Variants in CDH18 observed in about 807,000 individuals in gnomAD.
CDH18 encodes the protein cadherin 18, also known as cadherin-18.
In CDH18, 31 loss-of-function variants were observed where a neutral mutation model predicts 67.9. That is an observed-to-expected ratio of 0.46 (90% CI 0.34 to 0.62). The LOEUF (loss-of-function observed/expected upper bound fraction) is 0.62. Ranked by LOEUF, CDH18 falls within the 20% of genes least tolerant of loss-of-function variation. The probability of loss-of-function intolerance (pLI) is 0.01; values close to 1 mark genes in which losing one functional copy is unlikely to be tolerated. For missense variants in CDH18, 890 were observed against 975.5 expected, an observed-to-expected ratio of 0.91 and a Z score of 1.17; for synonymous variants, 362 against 347.2, an observed-to-expected ratio of 1.04 and a Z score of -0.48.
intron 5 of CDH18, among the ~76,000 whole-genome samples, chr5:19,617,772 C>T (rs1750063155): frequency 6.6e-6 from 1 of 152,166 alleles, no homozygotes. Context: ...CAAATTACCT[C>T]TGACTACTGT....
At chr5:20,480,960 C>A (rs972883172) in intron 1 of CDH18, among the ~76,000 whole-genome samples, 25 of 151,670 alleles carry the variant, frequency 1.6e-4, no homozygotes, top group African/African-American at 5.3e-4. Flanking sequence ...AAAATGGAAA[C>A]AAATAACAAA....
chr5:19,948,118 T>C (rs534694354), intron 2 of CDH18, among the ~76,000 whole-genome samples: 3 of 152,282 alleles, frequency 2.0e-5, no homozygotes, highest in South Asian at 2.1e-4. Context: ...TGTAAAAATA[T>C]GTTGATGAAG....
chr5:19,959,798 C>G (rs1796611753), intron 2 of CDH18, among the ~76,000 whole-genome samples: 1 of 152,054 alleles, frequency 6.6e-6, no homozygotes, highest in Admixed American at 6.6e-5. Flanking sequence ...TGTGCTTACA[C>G]AAACCTAGAG....
intron 2 of CDH18, among the ~76,000 whole-genome samples, chr5:19,922,114 T>C (rs1047358460): frequency 6.6e-6 from 1 of 152,188 alleles, no homozygotes; most frequent in African/African-American, 2.4e-5. Context: ...TGAATGATTT[T>C]TCTCAGTCAG....
At chr5:20,365,318 C>G (rs1207008423) in intron 1 of CDH18, among the ~76,000 whole-genome samples, 1 of 152,074 alleles carries the variant, frequency 6.6e-6, no homozygotes, top group Admixed American at 6.6e-5. Context: ...ATTCTAATTG[C>G]CTCCCAAAGG....
chr5:20,372,031 C>T (rs1257762839), intron 1 of CDH18, among the ~76,000 whole-genome samples: 2 of 152,176 alleles, frequency 1.3e-5, no homozygotes, highest in African/African-American at 4.8e-5. Flanking sequence ...ATATTGATAA[C>T]TTCCTTGCAT....
At chr5:20,165,365 G>T (rs1323480291) in intron 2 of CDH18, among the ~76,000 whole-genome samples, 1 of 151,916 alleles carries the variant, frequency 6.6e-6, no homozygotes, top group East Asian at 1.9e-4. Context: ...AATGATTAAA[G>T]GACAATCTCT....
At chr5:19,729,215 A>G (rs371854544) in intron 4 of CDH18, among the ~76,000 whole-genome samples, 2 of 9,104 alleles carry the variant, frequency 2.2e-4, no homozygotes, top group Non-Finnish European at 0.015. Context: ...GGAAAAAATA[A>G]TAGGGAAATA....
intron 1 of CDH18, among the ~76,000 whole-genome samples, chr5:19,984,222 T>C (rs1799339336): frequency 6.6e-6 from 1 of 152,050 alleles, no homozygotes; most frequent in Non-Finnish European, 1.5e-5. Context: ...TCTAAAAATA[T>C]ATAATTTTAG....
At chr5:20,095,390 CAGAAGA>C (rs1745837600) in intron 2 of CDH18, among the ~76,000 whole-genome samples, 1 of 55,386 alleles carries the variant, frequency 1.8e-5, no homozygotes, top group South Asian at 5.8e-4. Flanking sequence ...AAAAGAGAAA[CAGAAGA>C]AAGAAAGAAA....
At chr5:20,364,675 A>G (rs1025018113) in intron 1 of CDH18, among the ~76,000 whole-genome samples, 2 of 152,212 alleles carry the variant, frequency 1.3e-5, no homozygotes, top group African/African-American at 4.8e-5. Context: ...TCTAAATCTT[A>G]TTTCTACAAT....
chr5:20,013,026 A>G (rs1174320695), intron 2 of CDH18, among the ~76,000 whole-genome samples: 3 of 152,096 alleles, frequency 2.0e-5, no homozygotes, highest in Non-Finnish European at 2.9e-5. Flanking sequence ...TTACCCATGT[A>G]AAAAACCTGC....
intron 1 of CDH18, among the ~76,000 whole-genome samples, chr5:20,489,373 G>A (rs1426266632): frequency 6.6e-6 from 1 of 151,990 alleles, no homozygotes; most frequent in Non-Finnish European, 1.5e-5. Flanking sequence ...CCAATCATAA[G>A]GCTAGCAATG....
At chr5:20,557,166 TGTTA>T (rs150243143) in intron 1 of CDH18, among the ~76,000 whole-genome samples, 2,553 of 152,200 alleles carry the variant, frequency 0.017, 67 homozygotes, top group African/African-American at 0.056. Context: ...GTGAGAAATG[TGTTA>T]GTGTTTTCTT....
At chr5:20,487,982 T>G (rs1753310333) in intron 1 of CDH18, among the ~76,000 whole-genome samples, 1 of 151,990 alleles carries the variant, frequency 6.6e-6, no homozygotes, top group Non-Finnish European at 1.5e-5. Context: ...GAATTTGGAG[T>G]TGCTTTTAGC....
intron 2 of CDH18, among the ~76,000 whole-genome samples, chr5:20,135,057 C>T (rs2052655467): frequency 6.6e-6 from 1 of 152,072 alleles, no homozygotes; most frequent in African/African-American, 2.4e-5. Context: ...AAAGGTGAGA[C>T]AGGCCTGGAG....
intron 2 of CDH18, among the ~76,000 whole-genome samples, chr5:19,974,319 T>C (rs1313967953): frequency 4.0e-5 from 6 of 151,622 alleles, no homozygotes; most frequent in East Asian, 3.9e-4. Flanking sequence ...ATCACTTGAG[T>C]TCAGGAGTTC....
chr5:20,093,780 T>C (rs1745649008), intron 2 of CDH18, among the ~76,000 whole-genome samples: 1 of 152,144 alleles, frequency 6.6e-6, no homozygotes, highest in African/African-American at 2.4e-5. Flanking sequence ...GTTTTGATCA[T>C]AAGACTAACA....
chr5:20,559,191 G>C (rs1306475042), intron 1 of CDH18, among the ~76,000 whole-genome samples: 1 of 151,884 alleles, frequency 6.6e-6, no homozygotes, highest in Non-Finnish European at 1.5e-5. Flanking sequence ...AGATTTTCAA[G>C]GAGAAAAACC....
Sources: allele counts gnomAD v4.1 joint callset (sites outside exome capture counted in the v4.1 genomes callset), GRCh38; gene constraint gnomAD v4.1.1; transcripts MANE v1.5; gene names NCBI Gene and HGNC (gene_info 2026-07-23, HGNC 2026-07-21).